Variants in VPS13C observed in about 807,000 individuals in gnomAD.
VPS13C encodes the protein vacuolar protein sorting 13 homolog C.
VPS13C carries 358 observed loss-of-function variants against 456.8 expected under a neutral mutation model. That is an observed-to-expected ratio of 0.78 (90% confidence interval 0.72 to 0.86). The LOEUF is 0.86. VPS13C is among the 40% of genes least tolerant of loss of function. The pLI is 0.00. For synonymous variants in VPS13C, 1,578 were observed against 1,486.7 expected (o/e 1.06, Z -1.41); for missense variants, 4,818 against 4,385.4 (o/e 1.10, Z -2.79).
In VPS13C at chr15:61,884,403, G is replaced by A. The variant is rs754562062; in HGVS notation, c.9342-134C>T. On this transcript the variant is annotated intron_variant, in intron 67 of 84. Coordinates refer to ENST00000644861, the MANE Select transcript of VPS13C (RefSeq NM_020821.3). ...GGTATAAGGGACTTCTTAAAATAAC[G>A]AACTATACCTGTGTTGCAAGAGTAC... 6.8e-4 allele frequency: 612 copies of A among 900,334 alleles called. 2 individuals are homozygous for A. Among genetic ancestry groups the A allele is most frequent in the Non-Finnish European group, 8.5e-4 (523 of 615,978 alleles). The allele number at this position is 900,334 out of a possible 1,614,324, so 55.8% of individuals were successfully genotyped here. A position where few individuals can be genotyped will look rare whatever the true frequency, so the allele number is the denominator to read the frequency against.
intron 15 of VPS13C, among the ~76,000 whole-genome samples, chr15:62,001,181 C>T (rs996728287): frequency 6.6e-6 from 1 of 152,146 alleles, no homozygotes; most frequent in African/African-American, 2.4e-5. Flanking sequence ...CAATTCTCAC[C>T]ACTCTGTAAG....
chr15:61,912,063 C>T lies in VPS13C; in HGVS notation c.8551-59G>A, dbSNP rs1407743143. ...ATTCAATGTCTTTGAAATATATACA[C>T]ATCCCCTCATTCACACACAAACTTC... On this transcript the variant is annotated intron_variant, in intron 62 of 84. Coordinates refer to ENST00000644861, the MANE Select transcript of VPS13C (RefSeq NM_020821.3). 21 of 1,363,716 alleles carry T rather than the reference C, an allele frequency of 1.5e-5. No homozygotes were observed. In the East Asian group the frequency reaches 5.1e-4, roughly 33 times the overall value. 84.5% of individuals were successfully genotyped at this position (1,363,716 alleles called of 1,614,324 possible).
chr15:62,033,639 T>C (rs1002533072), intron 4 of VPS13C, 97 bp from the exon 5 acceptor site: 1 of 654,538 alleles, frequency 1.5e-6, no homozygotes, highest in Non-Finnish European at 2.3e-6. Flanking sequence ...AAGTGTATAA[T>C]CCTTCTGCAA....
At chr15:61,969,611 A>T (rs1424991717) in intron 27 of VPS13C, among the ~76,000 whole-genome samples, 159 bp from the exon 28 acceptor site, 1 of 152,174 alleles carries the variant, frequency 6.6e-6, no homozygotes, top group Non-Finnish European at 1.5e-5. Flanking sequence ...AAATTACAAA[A>T]CTTAAATTCT....
chr15:61,868,694 C>G lies in VPS13C; in HGVS notation c.10828G>C (p.Asp3610His). The change falls in exon 81 of 85, where the codon GAC becomes CAC. Residue 3610 changes from aspartate to histidine, a missense_variant. Asp to His is a moderately conservative substitution (Grantham distance 81, BLOSUM62 -1). Around this residue, in one of 3 missense-constraint regions of VPS13C, gnomAD observed 261 missense variants for 234.1 expected, o/e 1.11. Coordinates refer to ENST00000644861, the MANE Select transcript of VPS13C (RefSeq NM_020821.3). ...IHEDGIIRPY[D>H]RQESEGSDLL... ...TCAGAGCCCTCAGATTCCTGTCTGT[C>G]ATAAGGACGAATGATGCCATCTTCA... is the stretch of plus-strand genomic sequence containing the variant. 1 of 1,614,096 alleles carries G rather than the reference C, an allele frequency of 6.2e-7. No homozygotes were observed. The highest frequency in any genetic ancestry group is 8.5e-7 in the Non-Finnish European group (1 of 1,179,992).
rs888456565 is a variant in VPS13C at position 61,929,745 on chromosome 15, C to G, written c.6042G>C (p.Met2014Ile). 1 of 1,605,468 alleles carries G rather than the reference C, an allele frequency of 6.2e-7. No individual in the cohort carries two copies. Among genetic ancestry groups the G allele is most frequent in the Non-Finnish European group, 8.5e-7 (1 of 1,175,112 alleles). Residue 2014 changes from methionine to isoleucine, a missense_variant, in exon 51 of 85, where the codon ATG (methionine) becomes ATC (isoleucine). This residue lies in a region of VPS13C where 4,552 missense variants were observed against 4,130.6 expected (regional missense o/e 1.10). Transcript: ENST00000644861. ...TATCTTGGTCATTCTTTCTGTCAAT[C>G]ATTCTGAAAAAAAACATGCTATTCA... ...REGIERATSR[M>I]IDRKNDQDNN...
At chr15:61,952,135 C>CAGATG (rs2044821998) in intron 38 of VPS13C, among the ~76,000 whole-genome samples, 155 bp from the exon 39 acceptor site, 1 of 152,102 alleles carries the variant, frequency 6.6e-6, no homozygotes, top group South Asian at 2.1e-4. Context: ...GGCATGATTC[C>CAGATG]CAGAACTCCT....
At chr15:61,924,777 A>G (rs1462152487) in intron 53 of VPS13C, among the ~76,000 whole-genome samples, 1 of 152,232 alleles carries the variant, frequency 6.6e-6, no homozygotes, top group South Asian at 2.1e-4. Context: ...ACGGACCTAT[A>G]TAAGTAAAGC....
At chr15:61,916,686 T>C (rs2043481821) in intron 60 of VPS13C, among the ~76,000 whole-genome samples, 3 of 152,062 alleles carry the variant, frequency 2.0e-5, no homozygotes, top group African/African-American at 4.8e-5. Flanking sequence ...CTTTCCAGAT[T>C]TTCATATTTT....
At chr15:61,946,074 A>C (rs2044595259) in intron 44 of VPS13C, among the ~76,000 whole-genome samples, 192 bp from the exon 45 acceptor site, 1 of 152,184 alleles carries the variant, frequency 6.6e-6, no homozygotes, top group Admixed American at 6.5e-5. Context: ...GCATTTTATC[A>C]GTGAAAATAT....
chr15:61,903,254 T>G (rs976864917), intron 66 of VPS13C, among the ~76,000 whole-genome samples: 1 of 151,976 alleles, frequency 6.6e-6, no homozygotes, highest in Admixed American at 6.6e-5. Context: ...GAGAATTACT[T>G]GAGCCTGGGA....
Position 61,931,119 on chromosome 15 carries a change from G to A in VPS13C, c.6009C>T (p.Leu2003=). The A allele has an allele frequency of 3.1e-6, 5 of 1,614,000 alleles. No individual in the cohort carries two copies. The highest frequency in any genetic ancestry group is 4.2e-6 in the Non-Finnish European group (5 of 1,180,018). ...VKLKTCTLDD[L]REGIERATSR... is the part of the protein sequence containing the mutation. ...ATGTTGCTCTCTCAATTCCTTCTCT[G>A]AGATCATCAAGGGTGCATGTCTTAA... is the stretch of plus-strand genomic sequence containing the variant. The change falls in exon 50 of 85, where the codon CTC becomes CTT. Residue 2003 remains leucine (L), a synonymous_variant. Coordinates refer to ENST00000644861, the MANE Select transcript of VPS13C (RefSeq NM_020821.3).
rs1268977228 is a variant in VPS13C, at chr15:61,922,656, C to T, written c.6716G>A (p.Trp2239Ter). ...KDTSKEMENL[W>*]GIKSINDYNT... is the part of the protein sequence containing the mutation. The stretch of plus-strand genomic sequence containing the variant: ...ATAATCATTAATCGATTTGATACCC[C>T]AAAGATTTTCCATTTCCTTAGACGT... The change falls in exon 54 of 85, where the codon TGG (tryptophan) becomes TAG (stop). Residue 2239 changes from tryptophan (W) to a stop codon, truncating the protein, a stop_gained. Transcript: ENST00000644861. LOFTEE classifies it high-confidence loss of function. 2.5e-6 allele frequency: 4 copies of T among 1,613,816 alleles called. No individual in the cohort carries two copies. The highest frequency in any genetic ancestry group is 3.4e-6 in the Non-Finnish European group (4 of 1,179,920).
At chr15:61,921,857 T>G in intron 55 of VPS13C, 90 bp downstream of exon 55, 1 of 1,365,598 alleles carries the variant, frequency 7.3e-7, no homozygotes, top group Non-Finnish European at 1.0e-6. Flanking sequence ...TCAAGGATCC[T>G]AGACCACATC....
chr15:62,034,534 G>C (rs1469893348), intron 4 of VPS13C, among the ~76,000 whole-genome samples: 2 of 151,332 alleles, frequency 1.3e-5, no homozygotes, highest in African/African-American at 4.8e-5. Context: ...ACACATTTTT[G>C]AAAGAACATT....
intron 23 of VPS13C, 50 bp downstream of exon 23, chr15:61,978,576 C>T: frequency 6.3e-7 from 1 of 1,585,334 alleles, no homozygotes; most frequent in East Asian, 2.2e-5. Context: ...GTATATTACA[C>T]AAACTACCCA....
chr15:61,960,058 T>C (rs1351245965), intron 35 of VPS13C, among the ~76,000 whole-genome samples: 1 of 152,210 alleles, frequency 6.6e-6, no homozygotes, highest in African/African-American at 2.4e-5. Context: ...TTCTACATAA[T>C]TAAATCTTCA....
chr15:62,040,538 G>A (rs2048206144), intron 3 of VPS13C, among the ~76,000 whole-genome samples: 1 of 151,862 alleles, frequency 6.6e-6, no homozygotes, highest in African/African-American at 2.4e-5. Context: ...AACAGACACT[G>A]GGGACTCCAA....
Position 61,972,739 on chromosome 15 carries a change from A to G in VPS13C, c.2643T>C (p.Ala881=), listed in dbSNP as rs116315973. 4.0e-4 allele frequency: 639 copies of G among 1,612,296 alleles called. 8 individuals carry two copies. In the East Asian group the frequency reaches 0.012, roughly 31 times the overall value. Residue 881 remains alanine, a synonymous_variant, in exon 27 of 85, where the codon GCT becomes GCC. Coordinates refer to ENST00000644861, the MANE Select transcript of VPS13C (RefSeq NM_020821.3). ...TACAAGTCTGTGGTTCTCCATCTTC[A>G]GCATCAAAATACTCATCATCAGACT... ...ESESDDEYFD[A]EDGEPQTCKS... is the part of the protein sequence containing the mutation.
Sources: allele counts gnomAD v4.1 joint callset (sites outside exome capture counted in the v4.1 genomes callset), GRCh38; gene constraint gnomAD v4.1.1; regional missense constraint gnomAD v4.1.1; transcripts MANE v1.5; gene names NCBI Gene and HGNC (gene_info 2026-07-23, HGNC 2026-07-21).